The following RBFOX1 variants were observed in gnomAD, a reference collection of about 807,000 sequenced individuals.
RBFOX1 encodes RNA binding protein fox-1 homolog 1.
A neutral mutation model predicts 57.7 loss-of-function variants in RBFOX1; 8 were observed. That is an observed-to-expected ratio of 0.14 (90% confidence interval 0.08 to 0.25). The LOEUF (loss-of-function observed/expected upper bound fraction) is 0.25, where lower values mean the gene tolerates loss of function less well. Ranked by LOEUF, RBFOX1 falls within the 10% of genes least tolerant of loss-of-function variation. The pLI is 1.00. For synonymous variants in RBFOX1, 326 were observed against 222.4 expected (o/e 1.47, Z -4.15); for missense variants, 611 against 548.5 (o/e 1.11, Z -1.14).
At chr16:7,107,578 C>G (rs941707577) in intron 4 of RBFOX1, among the ~76,000 whole-genome samples, 3 of 152,094 alleles carry the variant, frequency 2.0e-5, no homozygotes, top group Non-Finnish European at 4.4e-5. Context: ...AGGTAGTGAA[C>G]ATCTGTCACC....
chr16:7,340,279 C>A (rs1318428317), intron 4 of RBFOX1, among the ~76,000 whole-genome samples: 2 of 152,188 alleles, frequency 1.3e-5, no homozygotes, highest in Non-Finnish European at 2.9e-5. Context: ...GCTTTCTCCC[C>A]CATAACTTTG....
At chr16:6,061,378 A>C (rs1302030957) in intron 1 of RBFOX1, among the ~76,000 whole-genome samples, 1 of 152,178 alleles carries the variant, frequency 6.6e-6, no homozygotes, top group Non-Finnish European at 1.5e-5. Flanking sequence ...CAAAGAATAA[A>C]TATCTGAAAA....
chr16:6,353,536 A>G (rs925104318), intron 2 of RBFOX1, among the ~76,000 whole-genome samples: 1 of 151,934 alleles, frequency 6.6e-6, no homozygotes, highest in African/African-American at 2.4e-5. Flanking sequence ...TGGTCTCAGG[A>G]GACTTTGCTG....
intron 4 of RBFOX1, among the ~76,000 whole-genome samples, chr16:7,310,751 C>G (rs746511401): frequency 6.6e-6 from 1 of 152,194 alleles, no homozygotes; most frequent in African/African-American, 2.4e-5. Context: ...TCCCAGCATA[C>G]GTGGAACTAA....
In RBFOX1 at chr16:5,484,957, T is replaced by G. The variant is rs560626750; in HGVS notation, c.258+17703T>G. Among the ~76,000 whole-genome samples, 21 of 149,632 alleles carry G rather than the reference T, an allele frequency of 1.4e-4. No homozygotes were observed. In the East Asian group the frequency reaches 3.6e-3, roughly 25 times the overall value. On this transcript the variant is annotated intron_variant, in intron 2 of 2. Coordinates refer to the RBFOX1 transcript ENST00000585867. ...ACCTGTAGTCTCAGCTACTTGGGAG[T>G]CTGAAGCAAGAGGATTGCTTGAGTC...
At chr16:7,659,375 T>C (rs1345419336) in intron 12 of RBFOX1, among the ~76,000 whole-genome samples, 1 of 152,220 alleles carries the variant, frequency 6.6e-6, no homozygotes, top group Non-Finnish European at 1.5e-5. Flanking sequence ...TTTCTGGTTT[T>C]ATCTTCTAAA....
chr16:6,247,050 A>G (rs2097573235), intron 1 of RBFOX1, among the ~76,000 whole-genome samples: 1 of 152,224 alleles, frequency 6.6e-6, no homozygotes, highest in Non-Finnish European at 1.5e-5. Flanking sequence ...AGCCTGGGCA[A>G]CAAGAGTGGA....
chr16:7,312,241 G>A (rs940883193), intron 4 of RBFOX1, among the ~76,000 whole-genome samples: 5 of 152,142 alleles, frequency 3.3e-5, no homozygotes, highest in East Asian at 1.9e-4. Flanking sequence ...TTATCTGAGC[G>A]TGGTGGAGCA....
At chr16:7,238,631 T>C (rs1277531164) in intron 4 of RBFOX1, among the ~76,000 whole-genome samples, 1 of 152,310 alleles carries the variant, frequency 6.6e-6, no homozygotes, top group East Asian at 1.9e-4. Context: ...CATTTCTTTC[T>C]CTCTTTTTTT....
At chr16:5,285,114 A>G (rs1213376746) in intron 1 of RBFOX1, among the ~76,000 whole-genome samples, 1 of 152,142 alleles carries the variant, frequency 6.6e-6, no homozygotes, top group Non-Finnish European at 1.5e-5. Context: ...TTGGCCACAT[A>G]TGTGTCCCAT....
chr16:7,103,478 A>G (rs541127385), intron 4 of RBFOX1, among the ~76,000 whole-genome samples: 1 of 152,162 alleles, frequency 6.6e-6, no homozygotes, highest in Non-Finnish European at 1.5e-5. Flanking sequence ...ACAGTATATG[A>G]ATTGGTATGA....
intron 3 of RBFOX1, among the ~76,000 whole-genome samples, chr16:6,924,447 A>G (rs1597366817): frequency 6.6e-6 from 1 of 152,020 alleles, no homozygotes; most frequent in Non-Finnish European, 1.5e-5. Flanking sequence ...CTCATCACTA[A>G]GGGGATGGCA....
intron 2 of RBFOX1, among the ~76,000 whole-genome samples, chr16:5,576,600 G>A (rs925494438): frequency 3.3e-5 from 5 of 152,170 alleles, no homozygotes; most frequent in African/African-American, 9.7e-5. Flanking sequence ...TTGCATTAAC[G>A]GGAACTAGGA....
At chr16:7,675,032 C>T (rs1046195039) in intron 13 of RBFOX1, among the ~76,000 whole-genome samples, 7 of 152,272 alleles carry the variant, frequency 4.6e-5, no homozygotes, top group East Asian at 1.9e-4. Context: ...CACACACATT[C>T]TCTCCACTCA....
intron 2 of RBFOX1, among the ~76,000 whole-genome samples, chr16:5,568,231 G>A (rs913844233): frequency 6.6e-6 from 1 of 152,150 alleles, no homozygotes; most frequent in East Asian, 1.9e-4. Context: ...GCGTATGGGG[G>A]CCTGTGCTGC....
chr16:6,354,675 A>T (rs748963669), intron 2 of RBFOX1, among the ~76,000 whole-genome samples: 2 of 151,880 alleles, frequency 1.3e-5, no homozygotes, highest in Non-Finnish European at 2.9e-5. Flanking sequence ...TCCTTCCATC[A>T]CAGAGTTTTT....
chr16:6,750,189 G>A (rs1292365171), intron 3 of RBFOX1, among the ~76,000 whole-genome samples: 1 of 152,152 alleles, frequency 6.6e-6, no homozygotes, highest in East Asian at 1.9e-4. Flanking sequence ...GAAGGAAAAA[G>A]AAATAGCAAA....
intron 2 of RBFOX1, among the ~76,000 whole-genome samples, chr16:5,493,518 C>A (rs775141361): frequency 3.9e-5 from 6 of 152,220 alleles, no homozygotes; most frequent in Non-Finnish European, 8.8e-5. Flanking sequence ...ATCAGCCTAG[C>A]AAAACTTTGC....
intron 2 of RBFOX1, among the ~76,000 whole-genome samples, chr16:6,653,631 G>A (rs2098618257): frequency 6.6e-6 from 1 of 152,052 alleles, no homozygotes; most frequent in South Asian, 2.1e-4. Flanking sequence ...ATGGGTGGAT[G>A]GATGGATGAA....
Sources: allele counts gnomAD v4.1 joint callset (sites outside exome capture counted in the v4.1 genomes callset), GRCh38; gene constraint gnomAD v4.1.1; transcripts MANE v1.5; gene names NCBI Gene and HGNC (gene_info 2026-07-23, HGNC 2026-07-21).